Variants in SEC24B observed in about 807,000 individuals in gnomAD.
SEC24B encodes SEC24 homolog B, COPII component.
SEC24B carries 45 observed loss-of-function variants against 142.8 expected under a neutral mutation model. The ratio of observed to expected loss-of-function variants is 0.32; its 90% confidence interval spans 0.25 to 0.40. The LOEUF (loss-of-function observed/expected upper bound fraction) is 0.40. Among genes scored for constraint, SEC24B ranks in the 10% least tolerant of loss-of-function variants. The pLI is 1.00. For missense variants in SEC24B, 1,409 were observed against 1,526.8 expected, an observed-to-expected ratio of 0.92 and a Z score of 1.29; for synonymous variants, 574 against 568.2, an observed-to-expected ratio of 1.01 and a Z score of -0.15.
chr4:109,467,325 CAAAAAAAAAAAA>C (rs70949083), intron 2 of SEC24B, among the ~76,000 whole-genome samples: 5 of 59,850 alleles, frequency 8.4e-5, no homozygotes, highest in African/African-American at 3.3e-4. Context: ...GACTCCGTCT[CAAAAAAAAAAAA>C]AAAAAAAAAA....
chr4:109,476,740 A>G (rs920876279), intron 3 of SEC24B, among the ~76,000 whole-genome samples: 16 of 136,792 alleles, frequency 1.2e-4, no homozygotes, highest in African/African-American at 4.8e-4. Context: ...AACTTTTTCT[A>G]TCTGTCTTAC....
At chr4:109,450,439 G>A (rs1729947634) in intron 1 of SEC24B, among the ~76,000 whole-genome samples, 1 of 151,758 alleles carries the variant, frequency 6.6e-6, no homozygotes, top group African/African-American at 2.4e-5. Context: ...GCGGGTGGAT[G>A]ATGAGTTCAG....
intron 1 of SEC24B, among the ~76,000 whole-genome samples, chr4:109,438,561 G>A (rs1427624443): frequency 6.6e-6 from 1 of 152,148 alleles, no homozygotes; most frequent in African/African-American, 2.4e-5. Flanking sequence ...CCAAAGTGCT[G>A]GGATTACAGG....
chr4:109,481,285 A>T (rs1380385417), intron 3 of SEC24B, among the ~76,000 whole-genome samples: 1 of 152,212 alleles, frequency 6.6e-6, no homozygotes, highest in Non-Finnish European at 1.5e-5. Context: ...AAATCAGTTC[A>T]CTATAAATGA....
chr4:109,516,896 A>G (rs755318055), intron 11 of SEC24B, among the ~76,000 whole-genome samples: 22 of 152,260 alleles, frequency 1.4e-4, no homozygotes, highest in East Asian at 9.6e-4. Context: ...GACTCAGCCA[A>G]TCTGAACACA....
chr4:109,447,131 G>A (rs1004172353), intron 1 of SEC24B, among the ~76,000 whole-genome samples: 1 of 152,144 alleles, frequency 6.6e-6, no homozygotes, highest in Non-Finnish European at 1.5e-5. Context: ...GTCAGGTGAA[G>A]CAGAAGAGGG....
intron 7 of SEC24B, 62 bp from the exon 8 acceptor site, chr4:109,509,947 T>C: frequency 1.0e-6 from 1 of 965,418 alleles, no homozygotes. Context: ...AGTTATCTTA[T>C]CTACTTCAGT....
intron 1 of SEC24B, among the ~76,000 whole-genome samples, chr4:109,446,394 CT>C (rs1729465674): frequency 6.6e-6 from 1 of 152,232 alleles, no homozygotes; most frequent in Non-Finnish European, 1.5e-5. Flanking sequence ...CGGATTGTCT[CT>C]TCAGAGTGTC....
At chr4:109,526,449 C>A in intron 17 of SEC24B, 50 bp downstream of exon 17, 1 of 1,403,662 alleles carries the variant, frequency 7.1e-7, no homozygotes, top group Non-Finnish European at 9.9e-7. Flanking sequence ...TTCCTCCCTC[C>A]TTTCACATGG....
intron 11 of SEC24B, 86 bp downstream of exon 11, chr4:109,516,726 G>A: frequency 1.4e-6 from 1 of 717,488 alleles, no homozygotes; most frequent in East Asian, 2.9e-5. Context: ...CAGTTTGTGG[G>A]ATTGGGTTTG....
At chr4:109,449,694 C>T (rs1019907585) in intron 1 of SEC24B, among the ~76,000 whole-genome samples, 2 of 151,968 alleles carry the variant, frequency 1.3e-5, no homozygotes, top group African/African-American at 2.4e-5. Context: ...TAAGGGCACT[C>T]CTTCTCTCAT....
At chr4:109,491,176 T>C in intron 4 of SEC24B, 151 bp from the exon 5 acceptor site, 1 of 564,478 alleles carries the variant, frequency 1.8e-6, no homozygotes, top group Non-Finnish European at 3.1e-6. Context: ...CATTGGTTTT[T>C]AAAATGTCTC....
chr4:109,460,643 CT>C (rs1731155213), intron 1 of SEC24B, among the ~76,000 whole-genome samples: 1 of 151,944 alleles, frequency 6.6e-6, no homozygotes, highest in South Asian at 2.1e-4. Context: ...TGTTAAACAT[CT>C]TGACTTTTGT....
chr4:109,499,548 A>T (rs1197180313), intron 6 of SEC24B, among the ~76,000 whole-genome samples: 1 of 152,220 alleles, frequency 6.6e-6, no homozygotes, highest in Non-Finnish European at 1.5e-5. Flanking sequence ...GCATACAGTC[A>T]TGTGCTGCAT....
chr4:109,439,395 A>G (rs534634933), intron 1 of SEC24B, among the ~76,000 whole-genome samples: 1 of 148,644 alleles, frequency 6.7e-6, no homozygotes, highest in Non-Finnish European at 1.5e-5. Flanking sequence ...AGCTAACCGG[A>G]AGCATCAGGT....
At chr4:109,468,367 A>G (rs1162139812) in intron 2 of SEC24B, among the ~76,000 whole-genome samples, 1 of 152,190 alleles carries the variant, frequency 6.6e-6, no homozygotes, top group East Asian at 1.9e-4. Flanking sequence ...CAAGCTGAGA[A>G]GACGAGATGT....
At chr4:109,522,343 G>T (rs1723731265) in intron 14 of SEC24B, among the ~76,000 whole-genome samples, 1 of 152,148 alleles carries the variant, frequency 6.6e-6, no homozygotes, top group Admixed American at 6.5e-5. Context: ...GAGCCACCGT[G>T]CCCGGCGAGA....
At chr4:109,458,514 G>T (rs76784285) in intron 1 of SEC24B, among the ~76,000 whole-genome samples, 7,128 of 152,002 alleles carry the variant, frequency 0.047, 187 homozygotes, top group African/African-American at 0.07. Context: ...TAAAGTGAAT[G>T]AACACAAAAA....
At chr4:109,454,470 G>A (rs1730453261) in intron 1 of SEC24B, among the ~76,000 whole-genome samples, 1 of 151,806 alleles carries the variant, frequency 6.6e-6, no homozygotes, top group African/African-American at 2.4e-5. Context: ...ACCCTCAGGT[G>A]GAGATTGGGG....
Sources: gnomAD v4.1 joint callset for allele counts (sites outside exome capture counted in the v4.1 genomes callset) on GRCh38, gnomAD v4.1.1 for gene constraint, MANE v1.5 for transcripts, NCBI Gene and HGNC (gene_info 2026-07-23, HGNC 2026-07-21) for gene names.